The following GSG1 variants were observed in gnomAD, a reference collection of about 807,000 sequenced individuals.
GSG1 encodes germ cell associated 1.
Under a neutral mutation model 30.8 loss-of-function variants are expected in GSG1, and 28 were observed. That is an observed-to-expected ratio of 0.91 (90% confidence interval 0.67 to 1.25). The LOEUF (loss-of-function observed/expected upper bound fraction) is 1.25. Among genes scored for constraint, GSG1 ranks in the 50% most tolerant of loss-of-function variants. The probability of loss-of-function intolerance (pLI) is 0.00; values close to 1 mark genes in which losing one functional copy is unlikely to be tolerated. For synonymous variants in GSG1, 162 were observed against 178.0 expected, an observed-to-expected ratio of 0.91 and a Z score of 0.71; for missense variants, 435 against 444.7, an observed-to-expected ratio of 0.98 and a Z score of 0.20.
intron 2 of GSG1, among the ~76,000 whole-genome samples, chr12:13,089,936 C>T (rs1865918808): frequency 6.6e-6 from 1 of 152,180 alleles, no homozygotes; most frequent in South Asian, 2.1e-4. Flanking sequence ...GTAATCCCAG[C>T]TACTTGGGAG....
At position 13,083,690 on chromosome 12, in the gene GSG1, C is replaced by G. The variant is rs547907283; in HGVS notation, c.*1211G>C. On this transcript the variant is annotated 3_prime_UTR_variant, in exon 7 of 7. Coordinates refer to ENST00000651961, the MANE Select transcript of GSG1 (RefSeq NM_001080555.4). ...CCTAATGCTATCCCTCCCCCCTCCCCCCACCCCATGACAGGCCCGGTGTGT... is the reference window on the plus strand; with the variant it reads ...CCTAATGCTATCCCTCCCCCCTCCCGCCACCCCATGACAGGCCCGGTGTGT... 8.2e-6 allele frequency: 1 copy of G among 121,802 alleles called. No homozygotes were observed. Among genetic ancestry groups the G allele is most frequent in the Non-Finnish European group, 1.7e-5 (1 of 59,488 alleles). 7.5% of individuals were successfully genotyped at this position (121,802 alleles called of 1,614,324 possible).
rs1369338780 is a variant in GSG1 at position 13,101,736 on chromosome 12, GCCCGGTAAAGCTATGGGTCCCAGGCT to G, written c.48+1703_48+1728del. ...CAAAGTCAGGCATTTCCCTGCCTCTGCCCGGTAAAGCTATGGGTCCCAGGCTCCCGTTCTAAGGGAAGGGGATGTCT... is the reference window on the plus strand; with the variant it reads ...CAAAGTCAGGCATTTCCCTGCCTCTGCCCGTTCTAAGGGAAGGGGATGTCT... On this transcript the variant is annotated intron_variant, in intron 1 of 6. Coordinates refer to ENST00000651961, the MANE Select transcript of GSG1 (RefSeq NM_001080555.4). This position sits in a 1 kb window ranked among gnomAD's most constrained non-coding sequence, Gnocchi z 5.8. Among the ~76,000 whole-genome samples, 2 of 152,226 alleles carry G rather than the reference GCCCGGTAAAGCTATGGGTCCCAGGCT, an allele frequency of 1.3e-5. No homozygotes were observed. The highest frequency in any genetic ancestry group is 2.9e-5 in the Non-Finnish European group (2 of 68,046).
chr12:13,084,980 C>G lies in GSG1; in HGVS notation c.1010G>C (p.Arg337Pro), dbSNP rs1054954692. Residue 337 changes from arginine (R) to proline (P), a missense_variant, in exon 7 of 7, where the codon CGG becomes CCG. Arg to Pro is a moderately radical substitution (Grantham distance 103). Coordinates refer to ENST00000651961, the MANE Select transcript of GSG1 (RefSeq NM_001080555.4). The part of the protein sequence containing the change: ...SEGVDFYSEL[R>P]NKGFQRGASQ... ...GGCCCCTCTTTGAAATCCCTTGTTC[C>G]GCAGCTCGGAGTAGAAGTCGACTCC... 3.2e-6 allele frequency: 5 copies of G among 1,552,324 alleles called. No individual in the cohort carries two copies. The Admixed American group carries it at 7.8e-5, about 24-fold the overall frequency.
intron 1 of GSG1, among the ~76,000 whole-genome samples, chr12:13,097,126 G>A (rs1327727030): frequency 6.6e-6 from 1 of 151,986 alleles, no homozygotes; most frequent in Non-Finnish European, 1.5e-5. Context: ...GGACACCAAT[G>A]TTGAAAGAGA....
chr12:13,103,608 A>G lies in GSG1; in HGVS notation c.-96T>C. 1.5e-6 allele frequency: 2 copies of G among 1,352,030 alleles called. No homozygotes were observed. The highest frequency in any genetic ancestry group is 1.4e-5 in the African/African-American group (1 of 69,858). The allele number at this position is 1,352,030 out of a possible 1,614,324, so 83.8% of individuals were successfully genotyped here. A position where few individuals can be genotyped will look rare whatever the true frequency, so the allele number is the denominator to read the frequency against. On this transcript the variant is annotated 5_prime_UTR_variant, in exon 1 of 7. Coordinates refer to ENST00000651961, the MANE Select transcript of GSG1 (RefSeq NM_001080555.4). ...TGAGTGTTTAGCGTGAGGATGAATC[A>G]GGTCCCCTCTTGCCAGCAGAGGGGT...
In GSG1 at chr12:13,101,586, T is replaced by A. The variant is rs1347311628; in HGVS notation, c.48+1879A>T. 3.9e-5 allele frequency among the ~76,000 whole-genome samples: 6 copies of A among 152,324 alleles called. No homozygotes were observed. The East Asian group carries it at 1.2e-3, about 29-fold the overall frequency. ...AGCTGGGCCGGGGCGCTAGGCCACC[T>A]GAGGCGCGTCCCCTCTGCCGCCTGG... On this transcript the variant is annotated intron_variant, in intron 1 of 6. Transcript: ENST00000651961. This position sits in a 1 kb window ranked among gnomAD's most constrained non-coding sequence, Gnocchi z 5.8.
In GSG1 at chr12:13,097,324, C is replaced by T. The variant is rs527757387; in HGVS notation, c.48+6141G>A. 3.9e-5 allele frequency among the ~76,000 whole-genome samples: 6 copies of T among 152,206 alleles called. 1 individual carries two copies. The highest frequency in any genetic ancestry group is 8.8e-5 in the Non-Finnish European group (6 of 68,004). On this transcript the variant is annotated intron_variant, in intron 1 of 6. Coordinates refer to ENST00000651961, the MANE Select transcript of GSG1 (RefSeq NM_001080555.4). ...ATGTTTCTTTTCTCCCTAGGACAGA[C>T]AGCTCCCTCCTCATGATCCTTGTCA... is the stretch of plus-strand genomic sequence containing the variant.
At chr12:13,089,119 A>G (rs1235918108) in intron 3 of GSG1, 89 bp downstream of exon 3, 1 of 1,374,664 alleles carries the variant, frequency 7.3e-7, no homozygotes, top group African/African-American at 1.5e-5. Flanking sequence ...CTGATAATGC[A>G]GAAGATGTTT....
rs368724670 is a variant in GSG1, at chr12:13,087,278, G to A, written c.635-15C>T. ...CCCCAGGAGACCTACCAAGGAAACA[G>A]GAAGGCAGAGCCCTTAGAGAAAGGC... On this transcript the variant is annotated splice_polypyrimidine_tract_variant and intron_variant, in intron 5 of 6. Coordinates refer to ENST00000651961, the MANE Select transcript of GSG1 (RefSeq NM_001080555.4). 10 of 1,585,224 alleles carry A rather than the reference G, an allele frequency of 6.3e-6. No homozygotes were observed. The highest frequency in any genetic ancestry group is 1.7e-4 in the Middle Eastern group (1 of 6,016).
intron 6 of GSG1, among the ~76,000 whole-genome samples, chr12:13,086,260 A>G (rs983976939): frequency 6.6e-6 from 1 of 152,200 alleles, no homozygotes; most frequent in Non-Finnish European, 1.5e-5. Context: ...AAAGGTGAGA[A>G]GTGCTGGATC....
chr12:13,095,789 C>G lies in GSG1; in HGVS notation c.49-4971G>C, dbSNP rs1052207101. ...TGATTAAATGCTGCCTTACAGGGAA[C>G]ACGGGCATTTAATAATTGACAAGGC... On this transcript the variant is annotated intron_variant, in intron 1 of 6. Coordinates refer to ENST00000651961, the MANE Select transcript of GSG1 (RefSeq NM_001080555.4). 9 of 1,499,858 alleles carry G rather than the reference C, an allele frequency of 6.0e-6. No homozygotes were observed. In the Admixed American group the frequency reaches 1.7e-4, roughly 28 times the overall value. The allele number at this position is 1,499,858 out of a possible 1,614,324, so 92.9% of individuals were successfully genotyped here. A position where few individuals can be genotyped will look rare whatever the true frequency, so the allele number is the denominator to read the frequency against.
intron 1 of GSG1, among the ~76,000 whole-genome samples, chr12:13,100,493 C>T (rs1002567089): frequency 2.6e-5 from 4 of 152,186 alleles, no homozygotes; most frequent in African/African-American, 9.7e-5. Context: ...ATCTTTAGTG[C>T]ACAGAGATCA....
At chr12:13,090,293 C>G (rs2120731498) in intron 2 of GSG1, among the ~76,000 whole-genome samples, 1 of 152,282 alleles carries the variant, frequency 6.6e-6, no homozygotes, top group African/African-American at 2.4e-5. Context: ...GACTTTCAAC[C>G]TTATTAAAAG....
chr12:13,098,751 T>A (rs1862935200), intron 1 of GSG1, among the ~76,000 whole-genome samples: 1 of 152,074 alleles, frequency 6.6e-6, no homozygotes, highest in Admixed American at 6.6e-5. Context: ...TGGCCTGATG[T>A]CTTTGGTTTT....
In GSG1 at chr12:13,087,181, TG is replaced by T; in HGVS notation, c.716del (p.Pro239HisfsTer74). The T allele has an allele frequency of 6.2e-7, 1 of 1,613,810 alleles. No homozygotes were observed. Among genetic ancestry groups the T allele is most frequent in the Non-Finnish European group, 8.5e-7 (1 of 1,179,686 alleles). On this transcript the variant is annotated frameshift_variant, in exon 6 of 7. Transcript: ENST00000651961. LOFTEE classifies it low-confidence loss of function (END_TRUNC). The part of the protein sequence containing the change: ...TVNLGPEDWR[P>X]HVWNYGWAFY... The stretch of plus-strand genomic sequence containing the variant: ...AGGCCCAGCCATAATTCCAAACATG[TG>T]GTCTCCAGTCTTCTGGACCCAAGTT...
At chr12:13,085,862 GAA>G (rs1388782842) in intron 6 of GSG1, among the ~76,000 whole-genome samples, 2 of 152,186 alleles carry the variant, frequency 1.3e-5, no homozygotes, top group East Asian at 1.9e-4. Flanking sequence ...GCTTCATATG[GAA>G]ACAGTGTGGT....
chr12:13,103,389 G>A, intron 1 of GSG1, 76 bp downstream of exon 1: 2 of 1,085,124 alleles, frequency 1.8e-6, no homozygotes, highest in Non-Finnish European at 2.9e-6. Flanking sequence ...ATGAGTTAGT[G>A]TAACCTGTGT....
Position 13,101,158 on chromosome 12 carries a change from G to C in GSG1, c.48+2307C>G, listed in dbSNP as rs1342663457. On this transcript the variant is annotated intron_variant, in intron 1 of 6. Coordinates refer to ENST00000651961, the MANE Select transcript of GSG1 (RefSeq NM_001080555.4). This position sits in a 1 kb window ranked among gnomAD's most constrained non-coding sequence, Gnocchi z 5.8. ...CGGCGCCAGCAGGCCGGCTGGGGCCGGGGGCGCTTGGGGACCGCGGGGCGG... is the reference window on the plus strand; with the variant it reads ...CGGCGCCAGCAGGCCGGCTGGGGCCCGGGGCGCTTGGGGACCGCGGGGCGG... Among the ~76,000 whole-genome samples the C allele has an allele frequency of 1.3e-5, 2 of 152,076 alleles. No individual in the cohort carries two copies. Among genetic ancestry groups the C allele is most frequent in the African/African-American group, 4.8e-5 (2 of 41,426 alleles).
At chr12:13,094,236 A>C (rs975200164) in intron 1 of GSG1, among the ~76,000 whole-genome samples, 1 of 152,258 alleles carries the variant, frequency 6.6e-6, no homozygotes, top group Non-Finnish European at 1.5e-5. Context: ...TGTTCTTCAG[A>C]ATTTCCAGGG....
Sources: gnomAD v4.1 joint callset for allele counts (sites outside exome capture counted in the v4.1 genomes callset) on GRCh38, gnomAD v4.1.1 for gene constraint, Gnocchi (gnomAD v3.1) non-coding constraint, MANE v1.5 for transcripts, NCBI Gene and HGNC (gene_info 2026-07-23, HGNC 2026-07-21) for gene names.